Variants in MYH6 observed in about 807,000 individuals in gnomAD.
MYH6 encodes the protein myosin-6.
Under a neutral mutation model 223.2 loss-of-function variants are expected in MYH6, and 126 were observed. The observed-to-expected ratio is 0.56, with a 90% CI of 0.49 to 0.65. MYH6 has a LOEUF of 0.65. Ranked by LOEUF, MYH6 falls within the 30% of genes least tolerant of loss-of-function variation. The pLI is 0.00. For synonymous variants in MYH6, 978 were observed against 1,010.2 expected (o/e 0.97, Z 0.61); for missense variants, 2,040 against 2,536.4 (o/e 0.80, Z 4.20).
rs2277473 is a variant in MYH6, at chr14:23,405,298, G to T, written c.427C>A (p.Arg143=). The T allele has an allele frequency of 0.098, 158,117 of 1,614,114 alleles. 8,372 individuals carry two copies. The highest frequency in any genetic ancestry group is 0.14 in the South Asian group (13,037 of 91,078). Residue 143 remains arginine (R), a synonymous_variant, in exon 5 of 39, where the codon CGG becomes AGG. Transcript: ENST00000405093. The surrounding 1 kb of genome is among the most constrained non-coding windows in gnomAD (Gnocchi z 4.7). ...GGGGCCTCACTCCTCTTCTTGCCCC[G>T]GTAGGCGGCCACCACCTCGGCATTG... The part of the protein sequence containing the change: ...VYNAEVVAAY[R]GKKRSEAPPH...
chr14:23,403,680 A>C, intron 9 of MYH6, 35 bp downstream of exon 9: 2 of 1,582,356 alleles, frequency 1.3e-6, no homozygotes, highest in South Asian at 2.2e-5. Context: ...GCAGAGGGGG[A>C]CCTAGAGGGT....
chr14:23,400,892 G>A lies in MYH6; in HGVS notation c.1227C>T (p.Asn409=), dbSNP rs752919716. ...GLCHPRVKVG[N]EYVTKGQSVQ... Reference sequence around the variant, plus strand: ...CGCTCTGCCCCTTGGTGACATACTCGTTGCCCACTTTCACCCGAGGGTGGC... The same window carrying A: ...CGCTCTGCCCCTTGGTGACATACTCATTGCCCACTTTCACCCGAGGGTGGC... Residue 409 remains asparagine (N), a synonymous_variant, in exon 13 of 39, where the codon AAC becomes AAT. Coordinates refer to ENST00000405093, the MANE Select transcript of MYH6 (RefSeq NM_002471.4). 1.5e-5 allele frequency: 24 copies of A among 1,614,050 alleles called. No homozygotes were observed. Among genetic ancestry groups the A allele is most frequent in the Admixed American group, 5.0e-5 (3 of 59,994 alleles).
intron 29 of MYH6, 181 bp from the exon 30 acceptor site, chr14:23,388,519 C>T (rs1891113057): frequency 9.6e-7 from 1 of 1,042,408 alleles, no homozygotes; most frequent in Non-Finnish European, 1.5e-6. Context: ...CAGGCGTCCT[C>T]CCTACCTGCA....
At chr14:23,406,695 A>C (rs1891798766) in intron 3 of MYH6, among the ~76,000 whole-genome samples, 1 of 152,206 alleles carries the variant, frequency 6.6e-6, no homozygotes, top group Non-Finnish European at 1.5e-5. Flanking sequence ...CACAGGGAAG[A>C]GGGATACAAG....
Position 23,406,946 on chromosome 14 carries a change from C to T in MYH6, c.201+77G>A. 4 of 1,493,888 alleles carry T rather than the reference C, an allele frequency of 2.7e-6. No individual in the cohort carries two copies. The South Asian group carries it at 3.4e-5, about 13-fold the overall frequency. 92.5% of individuals were successfully genotyped at this position (1,493,888 alleles called of 1,614,324 possible). On this transcript the variant is annotated intron_variant, in intron 3 of 38. Coordinates refer to ENST00000405093, the MANE Select transcript of MYH6 (RefSeq NM_002471.4). Reference sequence around the variant, plus strand: ...GCTTTTCTCCAGCCCTCTCAGCTCCCCCTGCAAGTGGCTCCACCTCTGCAT... The same window carrying T: ...GCTTTTCTCCAGCCCTCTCAGCTCCTCCTGCAAGTGGCTCCACCTCTGCAT...
intron 38 of MYH6, 45 bp from the exon 39 acceptor site, chr14:23,382,108 A>G: frequency 6.4e-7 from 1 of 1,564,866 alleles, no homozygotes; most frequent in African/African-American, 1.4e-5. Context: ...GGCAAGAGGG[A>G]GAAGTGTGTG....
chr14:23,389,142 A>C (rs950074025), intron 28 of MYH6, 87 bp from the exon 29 acceptor site: 1 of 1,445,950 alleles, frequency 6.9e-7, no homozygotes. Flanking sequence ...ACTTCAACCA[A>C]GCCCAGCCTT....
chr14:23,397,941 T>C (rs1026794880), intron 15 of MYH6, among the ~76,000 whole-genome samples: 1,233 of 59,454 alleles, frequency 0.021, 12 homozygotes, highest in African/African-American at 0.048. Context: ...CCTCTTCTTC[T>C]TCTTCTTCTT....
intron 28 of MYH6, 34 bp downstream of exon 28, chr14:23,389,359 A>G: frequency 1.9e-6 from 3 of 1,608,442 alleles, no homozygotes; most frequent in East Asian, 2.2e-5. Flanking sequence ...CAGGGCTGCC[A>G]TCAAGCCTGC....
rs1566512318 is a variant in MYH6, at chr14:23,397,937, CTTCTTCT to C, written c.1892-331_1892-325del. Reference sequence around the variant, plus strand: ...TCCTCCTCCTCCTCCTCCTCCTCTTCTTCTTCTTCTTCTTCTTCTTCTTCTTCTTCTT... The same window carrying C: ...TCCTCCTCCTCCTCCTCCTCCTCTTCTCTTCTTCTTCTTCTTCTTCTTCTT... On this transcript the variant is annotated intron_variant, in intron 15 of 38. Coordinates refer to ENST00000405093, the MANE Select transcript of MYH6 (RefSeq NM_002471.4). Among the ~76,000 whole-genome samples, 460 of 60,182 alleles carry C rather than the reference CTTCTTCT, an allele frequency of 7.6e-3. 20 individuals are homozygous for C. Among genetic ancestry groups the C allele is most frequent in the African/African-American group, 0.017 (266 of 15,336 alleles). 39.5% of individuals were successfully genotyped at this position (60,182 alleles called of 152,430 possible). A position where few individuals can be genotyped will look rare whatever the true frequency, so the allele number is the denominator to read the frequency against.
intron 36 of MYH6, 75 bp from the exon 37 acceptor site, chr14:23,383,395 T>C: frequency 1.1e-5 from 13 of 1,194,366 alleles, no homozygotes; most frequent in Non-Finnish European, 1.6e-5. Flanking sequence ...TCCATCATTT[T>C]ACTCTTCTCC....
chr14:23,387,496 A>C (rs748838079), intron 32 of MYH6, 33 bp downstream of exon 32: 2 of 1,610,906 alleles, frequency 1.2e-6, no homozygotes, highest in Non-Finnish European at 1.7e-6. Flanking sequence ...GCGGCAGAAC[A>C]GGGATGGGGT....
chr14:23,388,173 C>G lies in MYH6; in HGVS notation c.4341G>C (p.Lys1447Asn). The change falls in exon 30 of 39, where the codon AAG (lysine) becomes AAC (asparagine). Residue 1447 changes from lysine to asparagine, a missense_variant. This residue lies in a region of MYH6 where 1,203 missense variants were observed against 1,400.2 expected (regional missense o/e 0.86). Transcript: ENST00000405093. The part of the protein sequence containing the change: ...SNAAAAALDK[K>N]QRNFDKILAE... ...GGTCCACCTTGTCAAAGTTTCTCTG[C>G]TTCTTGTCCAGGGCTGCAGCAGCAG... 6.2e-7 allele frequency: 1 copy of G among 1,612,354 alleles called. No homozygotes were observed. Among genetic ancestry groups the G allele is most frequent in the Non-Finnish European group, 8.5e-7 (1 of 1,180,036 alleles).
intron 15 of MYH6, among the ~76,000 whole-genome samples, chr14:23,397,948 T>A (rs992819149): frequency 1.4e-5 from 1 of 72,286 alleles, no homozygotes. Context: ...TTCTTCTTCT[T>A]CTTCTTCTTC....
chr14:23,400,555 G>T (rs1209952835), intron 13 of MYH6, 129 bp from the exon 14 acceptor site: 2 of 1,579,306 alleles, frequency 1.3e-6, no homozygotes, highest in African/African-American at 1.3e-5. Flanking sequence ...GTGGAGGAGG[G>T]CTTCCCCTGA....
At chr14:23,404,221 G>A in intron 8 of MYH6, 75 bp downstream of exon 8, 1 of 1,498,884 alleles carries the variant, frequency 6.7e-7, no homozygotes, top group Non-Finnish European at 9.3e-7. Context: ...ACAATCAACT[G>A]GGTGTGGCAA....
intron 14 of MYH6, chr14:23,399,925 G>A (rs1468611877): frequency 7.7e-6 from 3 of 388,552 alleles, no homozygotes; most frequent in South Asian, 7.0e-5. Context: ...GGTGGTGGGA[G>A]GCCAAACATC....
chr14:23,385,916 T>C lies in MYH6; in HGVS notation c.5163+12A>G, dbSNP rs750511094. On this transcript the variant is annotated intron_variant, in intron 34 of 38. Transcript: ENST00000405093. ...CAGTAGGTTTCCACAAGGTGGCTCC[T>C]GACCCCCTCACCTGGGAATGCAGCA... is the stretch of plus-strand genomic sequence containing the variant. The C allele has an allele frequency of 1.7e-5, 27 of 1,614,046 alleles. No homozygotes were observed. In the South Asian group the frequency reaches 2.5e-4, roughly 15 times the overall value.
Position 23,405,143 on chromosome 14 carries a change from G to A in MYH6, c.503-16C>T, listed in dbSNP as rs767894949. On this transcript the variant is annotated splice_polypyrimidine_tract_variant and intron_variant, in intron 5 of 38. Transcript: ENST00000405093. This position sits in a 1 kb window ranked among gnomAD's most constrained non-coding sequence, Gnocchi z 4.7. ...TTCTCCCGATCTGGAAGAAAAAAGA[G>A]GAGAAGCAATGGGGTCAGGGCTGAG... 12 of 1,613,924 alleles carry A rather than the reference G, an allele frequency of 7.4e-6. No individual in the cohort carries two copies. The highest frequency in any genetic ancestry group is 5.0e-5 in the Admixed American group (3 of 60,008).
Sources: gnomAD v4.1 joint callset for allele counts (sites outside exome capture counted in the v4.1 genomes callset) on GRCh38, gnomAD v4.1.1 for gene constraint, gnomAD v4.1.1 regional missense constraint, Gnocchi (gnomAD v3.1) non-coding constraint, MANE v1.5 for transcripts, NCBI Gene and HGNC (gene_info 2026-07-23, HGNC 2026-07-21) for gene names.